Variants in DTX1 observed in about 807,000 individuals in gnomAD.
DTX1 encodes E3 ubiquitin-protein ligase DTX1.
DTX1 carries 26 observed loss-of-function variants against 57.8 expected under a neutral mutation model. That is an observed-to-expected ratio of 0.45 (90% CI 0.33 to 0.62). The LOEUF is 0.62. Among genes scored for constraint, DTX1 ranks in the 20% least tolerant of loss-of-function variants. The pLI is 0.02. For synonymous variants in DTX1, 398 were observed against 394.1 expected (o/e 1.01, Z -0.12); for missense variants, 704 against 895.3 (o/e 0.79, Z 2.73).
intron 2 of DTX1, among the ~76,000 whole-genome samples, chr12:113,066,619 C>T (rs2044705304): frequency 6.6e-6 from 1 of 152,066 alleles, no homozygotes; most frequent in Non-Finnish European, 1.5e-5. Flanking sequence ...TCTGTTTCCT[C>T]ACCTGTAATA....
chr12:113,077,842 G>C lies in DTX1; in HGVS notation c.678G>C (p.Ala226=), dbSNP rs2044784109. ...TCCTGGCCTCGCAGCGCCGCAAGGC[G>C]CCCCCCGCGCCCCCGCTGCCGCCGC... ...NAILASQRRK[A]PPAPPLPPPP... Residue 226 remains alanine, a synonymous_variant, in exon 3 of 10, where the codon GCG becomes GCC. Transcript: ENST00000548759. The surrounding 1 kb of genome is among the most constrained non-coding windows in gnomAD (Gnocchi z 7.8). The C allele has an allele frequency of 7.5e-7, 1 of 1,336,844 alleles. No homozygotes were observed. Among genetic ancestry groups the C allele is most frequent in the South Asian group, 2.0e-5 (1 of 49,034 alleles). 82.8% of individuals were successfully genotyped at this position (1,336,844 alleles called of 1,614,324 possible).
chr12:113,063,453 C>T (rs766463161), intron 2 of DTX1, among the ~76,000 whole-genome samples: 34 of 152,236 alleles, frequency 2.2e-4, no homozygotes, highest in Admixed American at 8.5e-4. Flanking sequence ...GCTCCCAGCT[C>T]GCTCCCTGGC....
chr12:113,088,336 C>T (rs773791295), intron 3 of DTX1, among the ~76,000 whole-genome samples: 71 of 152,120 alleles, frequency 4.7e-4, no homozygotes, highest in Non-Finnish European at 1.3e-4. Context: ...TAAGGCATGC[C>T]GAAATTGATT....
At chr12:113,084,422 G>C (rs906940177) in intron 3 of DTX1, among the ~76,000 whole-genome samples, 20 of 152,124 alleles carry the variant, frequency 1.3e-4, no homozygotes, top group African/African-American at 4.8e-4. Context: ...GTCTCACTCC[G>C]TCACCCAGGC....
chr12:113,087,089 C>CG (rs1164320285), intron 3 of DTX1, among the ~76,000 whole-genome samples: 1 of 151,556 alleles, frequency 6.6e-6, no homozygotes, highest in Non-Finnish European at 1.5e-5. Flanking sequence ...TTCCTTCCCC[C>CG]GCAGAGAGCT....
rs1325566257 is a variant in DTX1 at position 113,094,117 on chromosome 12, G to A, written c.1227+18G>A. The A allele has an allele frequency of 2.0e-6, 3 of 1,491,936 alleles. No individual in the cohort carries two copies. The highest frequency in any genetic ancestry group is 2.8e-6 in the Non-Finnish European group (3 of 1,090,748). 92.4% of individuals were successfully genotyped at this position (1,491,936 alleles called of 1,614,324 possible). ...CTGATGAGGTGAGGAGGGGATGGGG[G>A]GGCTGGGGGAGGGCCCTGGCATGGA... On this transcript the variant is annotated intron_variant, in intron 6 of 9. Coordinates refer to ENST00000548759, the MANE Select transcript of DTX1 (RefSeq NM_004416.3).
In DTX1 at chr12:113,095,150, T is replaced by G; in HGVS notation, c.1495T>G (p.Phe499Val). Residue 499 changes from phenylalanine to valine, a missense_variant, in exon 8 of 10, where the codon TTC (phenylalanine) becomes GTC (valine). Coordinates refer to ENST00000548759, the MANE Select transcript of DTX1 (RefSeq NM_004416.3). ...CCTCATCCCCCACTCGCTGCCCGGCTTCCCTGATACCCAGACCATCCGCAT... is the reference window on the plus strand; with the variant it reads ...CCTCATCCCCCACTCGCTGCCCGGCGTCCCTGATACCCAGACCATCCGCAT... ...FHLIPHSLPG[F>V]PDTQTIRIVY... The G allele has an allele frequency of 6.2e-7, 1 of 1,613,518 alleles. No homozygotes were observed. The highest frequency in any genetic ancestry group is 8.5e-7 in the Non-Finnish European group (1 of 1,179,476).
Position 113,097,942 on chromosome 12 carries a change from A to G in DTX1, c.*1003A>G, listed in dbSNP as rs1472635303. The G allele has an allele frequency of 1.3e-5, 2 of 152,684 alleles. No homozygotes were observed. Among genetic ancestry groups the G allele is most frequent in the African/African-American group, 2.4e-5 (1 of 41,446 alleles). The allele number at this position is 152,684 out of a possible 1,614,324, so 9.5% of individuals were successfully genotyped here. On this transcript the variant is annotated 3_prime_UTR_variant, in exon 10 of 10. Coordinates refer to ENST00000548759, the MANE Select transcript of DTX1 (RefSeq NM_004416.3). ...TTGGCTGCCACGGTGGGAGTCAGCC[A>G]AGATTTAAAGGGATGCCAGCGATTG...
chr12:113,074,729 A>G (rs769419508), intron 2 of DTX1, among the ~76,000 whole-genome samples: 18 of 152,196 alleles, frequency 1.2e-4, no homozygotes, highest in Non-Finnish European at 2.2e-4. Context: ...GGCAGGAGAG[A>G]TAACATGGCG....
intron 2 of DTX1, among the ~76,000 whole-genome samples, chr12:113,069,944 A>G (rs1194564043): frequency 6.6e-6 from 1 of 152,188 alleles, no homozygotes; most frequent in Non-Finnish European, 1.5e-5. Flanking sequence ...AACCTCAGCC[A>G]TGTCACTTAC....
rs551188234 is a variant in DTX1 at position 113,059,180 on chromosome 12, T to C, written c.259+729T>C. Among the ~76,000 whole-genome samples, 4 of 151,904 alleles carry C rather than the reference T, an allele frequency of 2.6e-5. No homozygotes were observed. The East Asian group carries it at 7.8e-4, about 29-fold the overall frequency. On this transcript the variant is annotated intron_variant, in intron 2 of 9. Coordinates refer to ENST00000548759, the MANE Select transcript of DTX1 (RefSeq NM_004416.3). ...GATGGTGGTGGGGTCTTGGTGACAA[T>C]GGAGGGATGGATGATGGTGACGTGG...
rs370907894 is a variant in DTX1 at position 113,079,630 on chromosome 12, TG to T, written c.941+1526del. Among the ~76,000 whole-genome samples the T allele has an allele frequency of 5.8e-3, 869 of 149,600 alleles. 15 individuals carry two copies. The highest frequency in any genetic ancestry group is 0.031 in the South Asian group (146 of 4,708). On this transcript the variant is annotated intron_variant, in intron 3 of 9. Transcript: ENST00000548759. ...GCAACTTCTGCCTCCAGGGTTCAAG[TG>T]ATTCTTCTGCCTCAGTCTTCTGAGT...
chr12:113,073,085 G>A (rs2136056677), intron 2 of DTX1, among the ~76,000 whole-genome samples: 1 of 152,208 alleles, frequency 6.6e-6, no homozygotes, highest in Middle Eastern at 3.4e-3. Flanking sequence ...CCGAGCTCAG[G>A]ATTTGGCACA....
rs2044640763 is a variant in DTX1, at chr12:113,058,021, C to T, written c.-172C>T. ...GTCTTTGCAGCCTGGATGGCCATCC[C>T]ACATTCCTTTAACGGAGGTCTCTAG... On this transcript the variant is annotated 5_prime_UTR_variant, in exon 2 of 10. Coordinates refer to ENST00000548759, the MANE Select transcript of DTX1 (RefSeq NM_004416.3). 9.1e-7 allele frequency: 1 copy of T among 1,100,268 alleles called. No individual in the cohort carries two copies. The highest frequency in any genetic ancestry group is 2.9e-5 in the Admixed American group (1 of 34,162). The allele number at this position is 1,100,268 out of a possible 1,614,324, so 68.2% of individuals were successfully genotyped here. A position where few individuals can be genotyped will look rare whatever the true frequency, so the allele number is the denominator to read the frequency against.
At position 113,096,856 on chromosome 12, in the gene DTX1, G is replaced by A. The variant is rs1950303851; in HGVS notation, c.1780G>A (p.Gly594Ser). ...GTTTGGATCCAACCTCACGGGCCAC[G>A]GCTACCCGGACGCTAGCTACCTAGA... Reference protein sequence around the residue: ...TEFGSNLTGHGYPDASYLDNV... With the variant: ...TEFGSNLTGHSYPDASYLDNV... Residue 594 changes from glycine (G) to serine (S), a missense_variant, in exon 10 of 10, where the codon GGC becomes AGC. Coordinates refer to ENST00000548759, the MANE Select transcript of DTX1 (RefSeq NM_004416.3). 1.9e-6 allele frequency: 3 copies of A among 1,613,818 alleles called. No individual in the cohort carries two copies. Among genetic ancestry groups the A allele is most frequent in the Non-Finnish European group, 2.5e-6 (3 of 1,180,026 alleles).
At chr12:113,068,892 A>G (rs898739587) in intron 2 of DTX1, among the ~76,000 whole-genome samples, 1 of 152,166 alleles carries the variant, frequency 6.6e-6, no homozygotes, top group South Asian at 2.1e-4. Context: ...TCAAATCCTG[A>G]CTAGATTCAA....
chr12:113,062,062 C>A (rs1479508780), intron 2 of DTX1, among the ~76,000 whole-genome samples: 1 of 151,970 alleles, frequency 6.6e-6, no homozygotes, highest in African/African-American at 2.4e-5. Context: ...CACACACACA[C>A]ACACACACTC....
At chr12:113,063,686 A>G (rs955092365) in intron 2 of DTX1, among the ~76,000 whole-genome samples, 2 of 152,238 alleles carry the variant, frequency 1.3e-5, no homozygotes, top group Non-Finnish European at 2.9e-5. Flanking sequence ...CTGGAGTGGC[A>G]GGTGGTGGCT....
chr12:113,096,034 C>T (rs1266442821), intron 9 of DTX1, among the ~76,000 whole-genome samples: 4 of 151,992 alleles, frequency 2.6e-5, no homozygotes, highest in Non-Finnish European at 4.4e-5. Context: ...GGTGAAACCC[C>T]GTCTCTACTA....
Sources: gnomAD v4.1 joint callset for allele counts (sites outside exome capture counted in the v4.1 genomes callset) on GRCh38, gnomAD v4.1.1 for gene constraint, Gnocchi (gnomAD v3.1) non-coding constraint, MANE v1.5 for transcripts, NCBI Gene and HGNC (gene_info 2026-07-23, HGNC 2026-07-21) for gene names.